PLXDC2: variants seen among roughly 807,000 people sequenced by gnomAD.
The protein encoded by PLXDC2 is plexin domain-containing protein 2.
Under a neutral mutation model 68.9 loss-of-function variants are expected in PLXDC2, and 40 were observed. The ratio of observed to expected loss-of-function variants is 0.58; its 90% confidence interval spans 0.45 to 0.76. PLXDC2 has a LOEUF of 0.76. Among genes scored for constraint, PLXDC2 ranks in the 30% least tolerant of loss-of-function variants. The probability of loss-of-function intolerance (pLI) is 0.00; values close to 1 mark genes in which losing one functional copy is unlikely to be tolerated. For synonymous variants in PLXDC2, 243 were observed against 234.2 expected, an observed-to-expected ratio of 1.04 and a Z score of -0.34; for missense variants, 644 against 661.9, an observed-to-expected ratio of 0.97 and a Z score of 0.30.
At chr10:19,878,590 A>G (rs892897997) in intron 1 of PLXDC2, among the ~76,000 whole-genome samples, 1 of 152,212 alleles carries the variant, frequency 6.6e-6, no homozygotes, top group Non-Finnish European at 1.5e-5. Flanking sequence ...TTTAATGTAT[A>G]ATGTGCTCAT....
intron 1 of PLXDC2, among the ~76,000 whole-genome samples, chr10:19,928,139 G>A (rs1198370175): frequency 6.6e-6 from 1 of 152,126 alleles, no homozygotes; most frequent in Non-Finnish European, 1.5e-5. Context: ...CCTTTTTATG[G>A]CTGAATAGTA....
chr10:20,102,043 C>T (rs1200520134), intron 4 of PLXDC2, among the ~76,000 whole-genome samples: 2 of 152,198 alleles, frequency 1.3e-5, no homozygotes, highest in East Asian at 3.9e-4. Flanking sequence ...CTCATTTGAT[C>T]CTCCCGCCTC....
chr10:19,887,602 C>T (rs1357480869), intron 1 of PLXDC2, among the ~76,000 whole-genome samples: 1 of 152,066 alleles, frequency 6.6e-6, no homozygotes, highest in African/African-American at 2.4e-5. Flanking sequence ...AATGTTGCCT[C>T]AAGAGTACCT....
chr10:20,177,225 TC>T, intron 8 of PLXDC2, 102 bp from the exon 9 acceptor site: 1 of 1,319,438 alleles, frequency 7.6e-7, no homozygotes, highest in Non-Finnish European at 1.1e-6. Flanking sequence ...GGCATTTTGC[TC>T]CTGAGGATTA....
chr10:20,031,090 G>T (rs1460585637), intron 2 of PLXDC2, among the ~76,000 whole-genome samples: 2 of 152,114 alleles, frequency 1.3e-5, no homozygotes, highest in Admixed American at 1.3e-4. Flanking sequence ...AGAAAGAATT[G>T]GGCTTAGTGG....
intron 13 of PLXDC2, among the ~76,000 whole-genome samples, chr10:20,260,165 C>A (rs2119364242): frequency 6.6e-6 from 1 of 152,226 alleles, no homozygotes; most frequent in South Asian, 2.1e-4. Flanking sequence ...TTTATCCTAT[C>A]CATCACCTTC....
At chr10:19,978,777 C>CT (rs1461033826) in intron 1 of PLXDC2, among the ~76,000 whole-genome samples, 3 of 152,158 alleles carry the variant, frequency 2.0e-5, no homozygotes, top group Non-Finnish European at 4.4e-5. Flanking sequence ...ACAATTGGAC[C>CT]TGCTATTTGA....
At chr10:19,850,755 C>T (rs1044666502) in intron 1 of PLXDC2, among the ~76,000 whole-genome samples, 2 of 152,070 alleles carry the variant, frequency 1.3e-5, no homozygotes, top group African/African-American at 4.8e-5. Flanking sequence ...TTCCAAGTAG[C>T]AGATAAGAAA....
intron 4 of PLXDC2, among the ~76,000 whole-genome samples, chr10:20,125,050 G>T (rs1485483326): frequency 1.3e-5 from 2 of 152,138 alleles, no homozygotes; most frequent in Non-Finnish European, 2.9e-5. Flanking sequence ...TTGGCATTTG[G>T]ATAGGACAAC....
intron 2 of PLXDC2, among the ~76,000 whole-genome samples, chr10:20,012,336 G>GTTTTTTTTTTTTTTCTTTTTTTT (rs1564656425): frequency 3.0e-5 from 1 of 33,158 alleles, no homozygotes; most frequent in Non-Finnish European, 5.9e-5. Flanking sequence ...TTTTTTTTTG[G>GTTTTTTTTTTTTTTCTTTTTTTT]AGAAGGAGAC....
intron 1 of PLXDC2, among the ~76,000 whole-genome samples, chr10:19,904,524 A>G (rs1838209586): frequency 6.6e-6 from 1 of 152,068 alleles, no homozygotes. Context: ...TTTCCAGGCA[A>G]CTGGTGACCA....
chr10:20,020,240 G>C (rs1158549080), intron 2 of PLXDC2, among the ~76,000 whole-genome samples: 1 of 127,854 alleles, frequency 7.8e-6, no homozygotes, highest in Non-Finnish European at 1.6e-5. Context: ...GGCTGGTCTT[G>C]AACTCCCAGC....
rs1834544932 is a variant in PLXDC2, at chr10:20,177,611, T to G, written c.1061+202T>G. Among the ~76,000 whole-genome samples the G allele has an allele frequency of 2.0e-5, 3 of 151,768 alleles. No individual in the cohort carries two copies. The South Asian group carries it at 6.3e-4, about 32-fold the overall frequency. ...AAGAACCTGTTTCTACCAAAAAAGTTTTAACAAATTAACTGGGCATGGCAG... is the reference window on the plus strand; with the variant it reads ...AAGAACCTGTTTCTACCAAAAAAGTGTTAACAAATTAACTGGGCATGGCAG... On this transcript the variant is annotated intron_variant, in intron 9 of 13. Transcript: ENST00000377252.
intron 3 of PLXDC2, among the ~76,000 whole-genome samples, chr10:20,052,053 A>G (rs959240519): frequency 6.6e-6 from 1 of 151,956 alleles, no homozygotes; most frequent in Non-Finnish European, 1.5e-5. Flanking sequence ...GCACACGACC[A>G]CACACACAGT....
intron 9 of PLXDC2, among the ~76,000 whole-genome samples, chr10:20,196,599 T>C (rs1261550529): frequency 6.6e-6 from 1 of 152,092 alleles, no homozygotes; most frequent in Non-Finnish European, 1.5e-5. Flanking sequence ...CACCCAGTAA[T>C]CTCCAGTAGA....
chr10:20,202,141 G>T (rs541806237), intron 9 of PLXDC2, among the ~76,000 whole-genome samples: 86 of 152,132 alleles, frequency 5.7e-4, no homozygotes, highest in African/African-American at 1.6e-3. Context: ...GAAATATAAT[G>T]ACATAGAAAA....
At chr10:20,135,237 G>T (rs2131780418) in intron 4 of PLXDC2, among the ~76,000 whole-genome samples, 1 of 152,276 alleles carries the variant, frequency 6.6e-6, no homozygotes, top group South Asian at 2.1e-4. Flanking sequence ...TTTGATAGAG[G>T]AAATAAACTT....
intron 1 of PLXDC2, among the ~76,000 whole-genome samples, chr10:20,000,277 T>C (rs1834912494): frequency 7.0e-6 from 1 of 141,942 alleles, no homozygotes; most frequent in African/African-American, 2.6e-5. Flanking sequence ...AGTTTTTTTT[T>C]TTGTTTTGTT....
At chr10:19,822,923 T>C (rs1176690014) in intron 1 of PLXDC2, among the ~76,000 whole-genome samples, 2 of 139,772 alleles carry the variant, frequency 1.4e-5, no homozygotes, top group Non-Finnish European at 1.6e-5. Context: ...GTTTACTTAC[T>C]TTTTTTTTTT....
Sources: gnomAD v4.1 joint callset for allele counts (sites outside exome capture counted in the v4.1 genomes callset) on GRCh38, gnomAD v4.1.1 for gene constraint, MANE v1.5 for transcripts, NCBI Gene and HGNC (gene_info 2026-07-23, HGNC 2026-07-21) for gene names.